Variants in CFAP221 observed in about 807,000 individuals in gnomAD.
The protein encoded by CFAP221 is cilia and flagella associated protein 221.
Under a neutral mutation model 113.1 loss-of-function variants are expected in CFAP221, and 97 were observed. That is an observed-to-expected ratio of 0.86 (90% CI 0.73 to 1.02). The LOEUF is 1.02. CFAP221 is among the 50% of genes least tolerant of loss of function. The probability of loss-of-function intolerance (pLI) is 0.00; values close to 1 mark genes in which losing one functional copy is unlikely to be tolerated. For missense variants in CFAP221, 1,025 were observed against 1,013.4 expected, an observed-to-expected ratio of 1.01 and a Z score of -0.16; for synonymous variants, 331 against 354.4, an observed-to-expected ratio of 0.93 and a Z score of 0.74.
At chr2:119,631,633 C>T (rs1686781794) in intron 19 of CFAP221, among the ~76,000 whole-genome samples, 1 of 152,144 alleles carries the variant, frequency 6.6e-6, no homozygotes, top group African/African-American at 2.4e-5. Context: ...TGAGATCACG[C>T]CAGTGCACTC....
chr2:119,647,268 G>T (rs923081443), intron 22 of CFAP221, among the ~76,000 whole-genome samples: 1 of 152,150 alleles, frequency 6.6e-6, no homozygotes, highest in Non-Finnish European at 1.5e-5. Context: ...CTGATCTTTA[G>T]CTCTTCCAGG....
At chr2:119,633,651 A>C (rs1025815668) in intron 19 of CFAP221, among the ~76,000 whole-genome samples, 1 of 151,850 alleles carries the variant, frequency 6.6e-6, no homozygotes, top group African/African-American at 2.4e-5. Flanking sequence ...CTAATAACTC[A>C]GTTTAAAAAG....
intron 6 of CFAP221, among the ~76,000 whole-genome samples, chr2:119,582,320 CAACAT>C (rs1303214733): frequency 1.3e-5 from 2 of 152,094 alleles, no homozygotes; most frequent in South Asian, 2.1e-4. Flanking sequence ...AACTACAACT[CAACAT>C]AGCATATACA....
chr2:119,614,108 A>G (rs1308557319), intron 13 of CFAP221, among the ~76,000 whole-genome samples: 1 of 152,240 alleles, frequency 6.6e-6, no homozygotes, highest in African/African-American at 2.4e-5. Flanking sequence ...ACAAAGAAAG[A>G]GTCACCTTCA....
intron 6 of CFAP221, among the ~76,000 whole-genome samples, chr2:119,564,282 C>G (rs1033365627): frequency 1.3e-5 from 2 of 152,180 alleles, no homozygotes; most frequent in Admixed American, 6.5e-5. Flanking sequence ...TTCCTTGGTT[C>G]AGCTGTTGCG....
chr2:119,607,151 A>G (rs1171646459), intron 11 of CFAP221, among the ~76,000 whole-genome samples: 1 of 152,174 alleles, frequency 6.6e-6, no homozygotes, highest in African/African-American at 2.4e-5. Flanking sequence ...AAAAGTATTT[A>G]TTTTAAATTT....
intron 14 of CFAP221, 23 bp from the exon 15 acceptor site, chr2:119,625,560 A>G (rs777281695): frequency 2.6e-5 from 40 of 1,535,918 alleles, no homozygotes; most frequent in Non-Finnish European, 3.2e-5. Flanking sequence ...ATAATTTGAA[A>G]TCATTATCCA....
chr2:119,632,875 C>T (rs1686872750), intron 19 of CFAP221, among the ~76,000 whole-genome samples: 1 of 151,984 alleles, frequency 6.6e-6, no homozygotes. Context: ...GTTTCAAAAG[C>T]CATATCATTT....
At chr2:119,571,914 T>A (rs1428544844) in intron 6 of CFAP221, among the ~76,000 whole-genome samples, 1 of 152,238 alleles carries the variant, frequency 6.6e-6, no homozygotes, top group African/African-American at 2.4e-5. Context: ...GGTTGTAGGA[T>A]TTGTGTTTAA....
At chr2:119,615,765 A>G in intron 14 of CFAP221, 56 bp downstream of exon 14, 2 of 1,358,692 alleles carry the variant, frequency 1.5e-6, no homozygotes, top group Non-Finnish European at 1.0e-6. Flanking sequence ...GCATAAGGAA[A>G]TCAAGCAATG....
chr2:119,578,246 G>A (rs1682594012), intron 6 of CFAP221, among the ~76,000 whole-genome samples: 1 of 152,210 alleles, frequency 6.6e-6, no homozygotes, highest in Non-Finnish European at 1.5e-5. Context: ...TATTCTATTA[G>A]TTAAGTAGTC....
chr2:119,629,933 G>C lies in CFAP221; in HGVS notation c.1709G>C (p.Ser570Thr). The C allele has an allele frequency of 1.2e-6, 2 of 1,613,168 alleles. No individual in the cohort carries two copies. Among genetic ancestry groups the C allele is most frequent in the Non-Finnish European group, 1.7e-6 (2 of 1,179,204 alleles). The change falls in exon 17 of 24, where the codon AGT (serine) becomes ACT (threonine). Residue 570 changes from serine to threonine, a missense_variant. Physicochemically the swap from Ser to Thr is moderately conservative, Grantham distance 58 (BLOSUM62 1). Transcript: ENST00000413369. ...TCTTCAGAAGTTCAAATCAAGCAGA[G>C]TTATTCCTTCTTCAATCTGCAGGTC... is the stretch of plus-strand genomic sequence containing the variant. Reference protein sequence around the residue: ...IKSSEVQIKQSYSFFNLQVPQ... With the variant: ...IKSSEVQIKQTYSFFNLQVPQ...
intron 3 of CFAP221, among the ~76,000 whole-genome samples, chr2:119,556,732 A>G (rs1233336468): frequency 6.6e-6 from 1 of 151,822 alleles, no homozygotes; most frequent in Non-Finnish European, 1.5e-5. Flanking sequence ...TTGTATTATT[A>G]GTAGAGATGG....
chr2:119,555,282 C>G (rs1680711080), intron 3 of CFAP221, among the ~76,000 whole-genome samples: 1 of 152,054 alleles, frequency 6.6e-6, no homozygotes, highest in South Asian at 2.1e-4. Flanking sequence ...GACCCCCAGG[C>G]CAGCAGAAGG....
At chr2:119,629,297 G>A (rs886294771) in intron 16 of CFAP221, among the ~76,000 whole-genome samples, 17 of 152,324 alleles carry the variant, frequency 1.1e-4, no homozygotes, top group African/African-American at 3.8e-4. Context: ...TTCTTCGGGG[G>A]TTCACACCTG....
chr2:119,581,792 C>G (rs991252931), intron 6 of CFAP221, among the ~76,000 whole-genome samples: 1 of 151,930 alleles, frequency 6.6e-6, no homozygotes, highest in African/African-American at 2.4e-5. Context: ...TCAAGAATAA[C>G]GAGAAATCTT....
rs200170187 is a variant in CFAP221 at position 119,605,211 on chromosome 2, C to T, written c.1055C>T (p.Thr352Met). 5.9e-5 allele frequency: 95 copies of T among 1,614,068 alleles called. No individual in the cohort carries two copies. Among genetic ancestry groups the T allele is most frequent in the African/African-American group, 1.6e-4 (12 of 75,022 alleles). Residue 352 changes from threonine (T) to methionine (M), a missense_variant, in exon 11 of 24, where the codon ACG becomes ATG. Transcript: ENST00000413369. ...VLDQGTEISKTRQMKEALFEQ... is the reference protein window; with the variant it reads ...VLDQGTEISKMRQMKEALFEQ... ...GACCAGGGCACTGAAATTTCAAAAA[C>T]GAGACAGATGAAGGAGGCACTCTTT...
chr2:119,576,589 G>A (rs867570657), intron 6 of CFAP221, among the ~76,000 whole-genome samples: 6 of 152,028 alleles, frequency 3.9e-5, no homozygotes, highest in Non-Finnish European at 7.4e-5. Flanking sequence ...TTACTTAAAC[G>A]TTTCTTTATG....
At chr2:119,635,525 G>A (rs1023887337) in intron 19 of CFAP221, among the ~76,000 whole-genome samples, 2 of 152,240 alleles carry the variant, frequency 1.3e-5, no homozygotes, top group East Asian at 3.9e-4. Flanking sequence ...TGGATGGTGT[G>A]GAGGGGCAGG....
Sources: gnomAD v4.1 joint callset for allele counts (sites outside exome capture counted in the v4.1 genomes callset) on GRCh38, gnomAD v4.1.1 for gene constraint, MANE v1.5 for transcripts, NCBI Gene and HGNC (gene_info 2026-07-23, HGNC 2026-07-21) for gene names.